TTC38: variants seen among roughly 807,000 people sequenced by gnomAD.
TTC38 encodes tetratricopeptide repeat domain 38.
In TTC38, 64 loss-of-function variants were observed where a neutral mutation model predicts 64.2. The observed-to-expected ratio is 1.00, with a 90% CI of 0.81 to 1.23. The LOEUF (loss-of-function observed/expected upper bound fraction) is 1.23, where lower values mean the gene tolerates loss of function less well. Among genes scored for constraint, TTC38 ranks in the 50% most tolerant of loss-of-function variants. The probability of loss-of-function intolerance (pLI) is 0.00; values close to 1 mark genes in which losing one functional copy is unlikely to be tolerated. For synonymous variants in TTC38, 254 were observed against 249.3 expected (o/e 1.02, Z -0.18); for missense variants, 573 against 615.5 (o/e 0.93, Z 0.73).
intron 2 of TTC38, chr22:46,269,116 C>T: frequency 2.3e-6 from 1 of 437,940 alleles, no homozygotes; most frequent in South Asian, 1.6e-5. Context: ...CCTAAAAGGG[C>T]CTCTGCACTC....
At chr22:46,280,537 C>T (rs954861465) in intron 6 of TTC38, among the ~76,000 whole-genome samples, 5 of 152,378 alleles carry the variant, frequency 3.3e-5, no homozygotes, top group Admixed American at 2.0e-4. Context: ...CGGGGCCCCA[C>T]GCCCGCCCTG....
rs568200122 is a variant in TTC38, at chr22:46,271,797, C to T, written c.112-538C>T. Reference sequence around the variant, plus strand: ...AAGTACTGGGATTACAGGCGTGAGCCATCGCGCCCAGCCAGAACCTGCCTT... The same window carrying T: ...AAGTACTGGGATTACAGGCGTGAGCTATCGCGCCCAGCCAGAACCTGCCTT... On this transcript the variant is annotated intron_variant, in intron 2 of 13. Transcript: ENST00000381031. The surrounding 1 kb of genome is among the most constrained non-coding windows in gnomAD (Gnocchi z 5.5). Among the ~76,000 whole-genome samples the T allele has an allele frequency of 2.2e-3, 338 of 152,336 alleles. 1 individual carries two copies. The highest frequency in any genetic ancestry group is 7.8e-3 in the African/African-American group (323 of 41,582).
intron 8 of TTC38, 87 bp downstream of exon 8, chr22:46,284,119 A>C (rs1324354310): frequency 8.8e-7 from 1 of 1,130,778 alleles, no homozygotes; most frequent in Non-Finnish European, 1.3e-6. Context: ...ATGTATTCAC[A>C]TCCGTTGGAG....
At chr22:46,277,371 G>A (rs1453001853) in intron 5 of TTC38, among the ~76,000 whole-genome samples, 2 of 152,136 alleles carry the variant, frequency 1.3e-5, no homozygotes, top group African/African-American at 4.8e-5. Flanking sequence ...TTGGGAGGCC[G>A]AGGCGGGTGG....
At chr22:46,288,703 G>A in intron 11 of TTC38, 115 bp downstream of exon 11, 2 of 1,098,846 alleles carry the variant, frequency 1.8e-6, no homozygotes, top group Non-Finnish European at 2.6e-6. Flanking sequence ...GTGCAGCAGG[G>A]GGGATGCCCA....
At chr22:46,284,740 A>C (rs1430003787) in intron 8 of TTC38, among the ~76,000 whole-genome samples, 2 of 151,828 alleles carry the variant, frequency 1.3e-5, no homozygotes, top group African/African-American at 4.8e-5. Context: ...TTAGCCGGGC[A>C]TGGTGGCGCC....
chr22:46,279,960 T>C (rs2077521444), intron 6 of TTC38: 3 of 364,248 alleles, frequency 8.2e-6, no homozygotes, highest in South Asian at 6.3e-5. Context: ...GCACTGAGGG[T>C]GGCCAAAAAA....
intron 5 of TTC38, among the ~76,000 whole-genome samples, chr22:46,277,334 A>G (rs6008465): frequency 0.019 from 2,869 of 152,180 alleles, 96 homozygotes; most frequent in African/African-American, 0.065. Flanking sequence ...GCGGGACGCA[A>G]TGGCTCATGC....
At chr22:46,290,433 A>G (rs2077605019) in intron 13 of TTC38, among the ~76,000 whole-genome samples, 1 of 138,276 alleles carries the variant, frequency 7.2e-6, no homozygotes, top group Non-Finnish European at 1.7e-5. Context: ...ACCCGAAACC[A>G]CAGTGGGTTT....
Position 46,268,472 on chromosome 22 carries a change from C to T in TTC38, c.34-42C>T, listed in dbSNP as rs915690649. 3.7e-6 allele frequency: 6 copies of T among 1,605,036 alleles called. No homozygotes were observed. In the East Asian group the frequency reaches 1.3e-4, roughly 36 times the overall value. On this transcript the variant is annotated intron_variant, in intron 1 of 13. Coordinates refer to ENST00000381031, the MANE Select transcript of TTC38 (RefSeq NM_017931.4). ...TGTGTGTGTTGAAGTTTGAAGGGCTCCTGGAGAGAAGGCACTGCTATTCCC... is the reference window on the plus strand; with the variant it reads ...TGTGTGTGTTGAAGTTTGAAGGGCTTCTGGAGAGAAGGCACTGCTATTCCC...
intron 6 of TTC38, chr22:46,280,235 G>GCACAGC: frequency 2.1e-6 from 1 of 470,078 alleles, no homozygotes; most frequent in South Asian, 1.6e-5. Flanking sequence ...GCAGGCACAG[G>GCACAGC]CACAGCCACA....
chr22:46,276,824 A>AATATATATATATTAAATAT lies in TTC38; in HGVS notation c.539+1415_539+1416insTAAATATATATATATATAT, dbSNP rs1555886902. ...ATTATATATTAAAATATATATATTA[A>AATATATATATATTAAATAT]ATATATATATATATATAAACATATA... On this transcript the variant is annotated intron_variant, in intron 5 of 13. Transcript: ENST00000381031. This position sits in a 1 kb window ranked among gnomAD's most constrained non-coding sequence, Gnocchi z 4.7. Among the ~76,000 whole-genome samples the AATATATATATATTAAATAT allele has an allele frequency of 6.6e-3, 918 of 139,508 alleles. 13 individuals are homozygous for AATATATATATATTAAATAT. The highest frequency in any genetic ancestry group is 0.024 in the African/African-American group (859 of 36,144). 91.5% of individuals were successfully genotyped at this position (139,508 alleles called of 152,430 possible). A position where few individuals can be genotyped will look rare whatever the true frequency, so the allele number is the denominator to read the frequency against.
chr22:46,284,817 C>T (rs897598469), intron 8 of TTC38, among the ~76,000 whole-genome samples: 13 of 143,360 alleles, frequency 9.1e-5, no homozygotes, highest in African/African-American at 2.1e-4. Context: ...TACAGTGAGC[C>T]GAGATTGTGC....
chr22:46,269,138 C>T, intron 2 of TTC38: 1 of 440,000 alleles, frequency 2.3e-6, no homozygotes, highest in Non-Finnish European at 4.7e-6. Flanking sequence ...CCCTTCTTCC[C>T]CAGGACTCTG....
At position 46,292,185 on chromosome 22, in the gene TTC38, A is replaced by AT. The variant is rs1236425503; in HGVS notation, c.1317-599dup. 4.6e-6 allele frequency: 2 copies of AT among 437,306 alleles called. No individual in the cohort carries two copies. Among genetic ancestry groups the AT allele is most frequent in the Admixed American group, 2.6e-5 (1 of 38,836 alleles). 27.1% of individuals were successfully genotyped at this position (437,306 alleles called of 1,614,324 possible). On this transcript the variant is annotated intron_variant, in intron 13 of 13. Coordinates refer to ENST00000381031, the MANE Select transcript of TTC38 (RefSeq NM_017931.4). The surrounding 1 kb of genome is among the most constrained non-coding windows in gnomAD (Gnocchi z 6.5). ...TCTCTTCTTTCTTCTTTCTTTTTAA[A>AT]TTTTTTTATATTTTTAGAGGCAAGG...
intron 10 of TTC38, among the ~76,000 whole-genome samples, chr22:46,287,388 G>T (rs115512886): frequency 2.0e-5 from 3 of 152,226 alleles, no homozygotes; most frequent in Admixed American, 6.5e-5. Context: ...ACCGCTCCTC[G>T]ATGTGGACGC....
At chr22:46,287,024 C>A in intron 9 of TTC38, 49 bp from the exon 10 acceptor site, 1 of 1,483,500 alleles carries the variant, frequency 6.7e-7, no homozygotes, top group Non-Finnish European at 9.2e-7. Context: ...CCTGCAGCCC[C>A]ATCATCTGGG....
chr22:46,289,674 G>A (rs1256753966), intron 12 of TTC38, 113 bp downstream of exon 12: 22 of 1,460,572 alleles, frequency 1.5e-5, no homozygotes, highest in Admixed American at 3.6e-5. Flanking sequence ...GGGTGTGAAC[G>A]TGTCTCTCAC....
chr22:46,290,547 G>GGTGA lies in TTC38; in HGVS notation c.1316+651_1316+652insAGTG, dbSNP rs567591961. On this transcript the variant is annotated intron_variant, in intron 13 of 13. Coordinates refer to ENST00000381031, the MANE Select transcript of TTC38 (RefSeq NM_017931.4). ...GTGTGTTAGGGCAGCGTGGCTGGAG[G>GGTGA]GTGTTAGGAGGGTGGTGTGGCTGGA... is the stretch of plus-strand genomic sequence containing the variant. Among the ~76,000 whole-genome samples the GGTGA allele has an allele frequency of 1.5e-3, 209 of 141,758 alleles. 10 individuals are homozygous for GGTGA. Among genetic ancestry groups the GGTGA allele is most frequent in the African/African-American group, 5.7e-3 (199 of 34,956 alleles). 93.0% of individuals were successfully genotyped at this position (141,758 alleles called of 152,430 possible).
Sources: gnomAD v4.1 joint callset for allele counts (sites outside exome capture counted in the v4.1 genomes callset) on GRCh38, gnomAD v4.1.1 for gene constraint, Gnocchi (gnomAD v3.1) non-coding constraint, MANE v1.5 for transcripts, NCBI Gene and HGNC (gene_info 2026-07-23, HGNC 2026-07-21) for gene names.